RARB: variants seen among roughly 807,000 people sequenced by gnomAD.
RARB encodes the protein retinoic acid receptor beta, also known as HBV-activated protein.
In RARB, 17 loss-of-function variants were observed where a neutral mutation model predicts 51.9. The ratio of observed to expected loss-of-function variants is 0.33; its 90% confidence interval spans 0.22 to 0.49. RARB has a LOEUF of 0.49. RARB is among the 20% of genes least tolerant of loss of function. RARB has a pLI of 0.99. For missense variants in RARB, 369 were observed against 550.8 expected (o/e 0.67, Z 3.30); for synonymous variants, 215 against 195.4 (o/e 1.10, Z -0.84).
chr3:25,438,668 T>C (rs1708535369), intron 1 of RARB, among the ~76,000 whole-genome samples: 1 of 152,168 alleles, frequency 6.6e-6, no homozygotes, highest in Non-Finnish European at 1.5e-5. Flanking sequence ...GGCTTTTCTC[T>C]AGGCTCCATG....
chr3:24,999,340 G>T (rs1429245466), intron 2 of RARB, among the ~76,000 whole-genome samples: 1 of 152,130 alleles, frequency 6.6e-6, no homozygotes, highest in Non-Finnish European at 1.5e-5. Context: ...GTGTAAAAGT[G>T]ACCTATTTCC....
At chr3:25,064,421 A>G (rs1698616154) in intron 3 of RARB, among the ~76,000 whole-genome samples, 2 of 152,278 alleles carry the variant, frequency 1.3e-5, no homozygotes, top group East Asian at 3.9e-4. Flanking sequence ...TCAGCAATCA[A>G]AAATAGCATT....
chr3:25,362,042 C>G (rs1705956056), intron 5 of RARB, among the ~76,000 whole-genome samples: 1 of 152,220 alleles, frequency 6.6e-6, no homozygotes, highest in South Asian at 2.1e-4. Flanking sequence ...TTAGAGCCAG[C>G]AGGCAGGAAT....
chr3:25,272,427 C>A (rs1383359385), intron 5 of RARB, among the ~76,000 whole-genome samples: 1 of 152,210 alleles, frequency 6.6e-6, no homozygotes, highest in African/African-American at 2.4e-5. Flanking sequence ...TCCTCTATAA[C>A]AGAGGCCTCT....
chr3:24,935,755 G>C (rs138232356), intron 2 of RARB, among the ~76,000 whole-genome samples: 5 of 152,196 alleles, frequency 3.3e-5, no homozygotes, highest in African/African-American at 1.2e-4. Context: ...TGGATTGTTT[G>C]TTTTCACTTG....
chr3:25,370,351 T>G (rs915124911), intron 5 of RARB, among the ~76,000 whole-genome samples: 1 of 152,176 alleles, frequency 6.6e-6, no homozygotes, highest in African/African-American at 2.4e-5. Context: ...TTCCAAGCTA[T>G]GCAAATTCCA....
At chr3:25,252,093 G>A (rs1158943525) in intron 5 of RARB, among the ~76,000 whole-genome samples, 1 of 152,010 alleles carries the variant, frequency 6.6e-6, no homozygotes, top group Non-Finnish European at 1.5e-5. Context: ...AGTTGTCCCA[G>A]CACCATTTGT....
At chr3:25,057,104 C>T (rs1412306172) in intron 2 of RARB, among the ~76,000 whole-genome samples, 2 of 152,050 alleles carry the variant, frequency 1.3e-5, no homozygotes, top group Admixed American at 1.3e-4. Flanking sequence ...AGCTTTCAGT[C>T]TTGAAGCTTA....
chr3:25,089,879 A>G (rs1301174178), intron 3 of RARB, among the ~76,000 whole-genome samples: 1 of 152,158 alleles, frequency 6.6e-6, no homozygotes, highest in African/African-American at 2.4e-5. Context: ...TAAGAGAAAG[A>G]CAGTTCCCAG....
At chr3:25,524,816 G>A (rs1355233815) in intron 3 of RARB, among the ~76,000 whole-genome samples, 1 of 151,840 alleles carries the variant, frequency 6.6e-6, no homozygotes, top group Admixed American at 6.6e-5. Flanking sequence ...TGCAACCTCT[G>A]CCTCCTGGGT....
At chr3:25,112,571 G>C (rs1699620501) in intron 3 of RARB, among the ~76,000 whole-genome samples, 1 of 152,076 alleles carries the variant, frequency 6.6e-6, no homozygotes, top group Non-Finnish European at 1.5e-5. Context: ...GAGCCCAGGA[G>C]TTTGAGACCA....
chr3:25,190,050 T>TG (rs1701062080), intron 5 of RARB, among the ~76,000 whole-genome samples: 1 of 152,094 alleles, frequency 6.6e-6, no homozygotes, highest in Non-Finnish European at 1.5e-5. Context: ...TTAAGCCCAA[T>TG]TTATTCCTCA....
intron 5 of RARB, among the ~76,000 whole-genome samples, chr3:25,191,026 T>C (rs1351145571): frequency 1.3e-5 from 2 of 152,124 alleles, no homozygotes; most frequent in South Asian, 4.1e-4. Flanking sequence ...ACGTTTGTTT[T>C]GTAAAAAACA....
chr3:25,101,905 C>T (rs896937157), intron 3 of RARB, among the ~76,000 whole-genome samples: 4 of 151,962 alleles, frequency 2.6e-5, no homozygotes, highest in African/African-American at 9.7e-5. Context: ...ACTTGTGTCT[C>T]TTTGTTTTGA....
chr3:25,096,781 C>T (rs543434926), intron 3 of RARB, among the ~76,000 whole-genome samples: 12 of 152,098 alleles, frequency 7.9e-5, no homozygotes, highest in Non-Finnish European at 1.5e-4. Context: ...TCAGTTGAGG[C>T]TCCTGGGAAG....
intron 2 of RARB, among the ~76,000 whole-genome samples, chr3:24,886,582 C>T: frequency 6.6e-6 from 1 of 151,824 alleles, no homozygotes; most frequent in Non-Finnish European, 1.5e-5. Context: ...GTAGCTGAGA[C>T]CACAAGCACA....
chr3:24,958,272 T>TTG (rs1696065416), intron 2 of RARB, among the ~76,000 whole-genome samples: 1 of 140,316 alleles, frequency 7.1e-6, no homozygotes, highest in African/African-American at 2.6e-5. Context: ...TTTTTTTTTT[T>TTG]TTTTTTTTTT....
At chr3:25,359,198 T>A (rs904099805) in intron 5 of RARB, among the ~76,000 whole-genome samples, 2 of 152,144 alleles carry the variant, frequency 1.3e-5, no homozygotes, top group Non-Finnish European at 2.9e-5. Context: ...GTCTTCCTGG[T>A]TTAGTCTTTG....
chr3:25,331,317 C>G (rs1042220564), intron 5 of RARB, among the ~76,000 whole-genome samples: 1 of 152,178 alleles, frequency 6.6e-6, no homozygotes, highest in Admixed American at 6.5e-5. Context: ...GAAATTATAA[C>G]AGACTGTCTC....
Sources: gnomAD v4.1 joint callset for allele counts (sites outside exome capture counted in the v4.1 genomes callset) on GRCh38, gnomAD v4.1.1 for gene constraint, MANE v1.5 for transcripts, NCBI Gene and HGNC (gene_info 2026-07-23, HGNC 2026-07-21) for gene names.